TATDN1: variants seen among roughly 807,000 people sequenced by gnomAD.
The protein encoded by TATDN1 is TatD DNase domain containing 1.
In TATDN1, 40 loss-of-function variants were observed where a neutral mutation model predicts 46.4. That is an observed-to-expected ratio of 0.86 (90% CI 0.67 to 1.12). The LOEUF is 1.12. TATDN1 is among the 50% of genes most tolerant of loss of function. The pLI, the probability that TATDN1 is intolerant of heterozygous loss-of-function variation, is 0.00. For missense variants in TATDN1, 326 were observed against 348.4 expected (o/e 0.94, Z 0.51); for synonymous variants, 95 against 105.6 (o/e 0.90, Z 0.62).
intron 6 of TATDN1, 117 bp from the exon 7 acceptor site, chr8:124,508,805 C>T (rs532490251): frequency 1.5e-6 from 1 of 654,618 alleles, no homozygotes; most frequent in East Asian, 2.9e-5. Flanking sequence ...AATTACAGGA[C>T]AAAAATCATG....
chr8:124,503,183 A>C (rs999000386), intron 9 of TATDN1, among the ~76,000 whole-genome samples: 1 of 152,228 alleles, frequency 6.6e-6, no homozygotes, highest in Non-Finnish European at 1.5e-5. Context: ...AGTGATATGC[A>C]GAGAATGGAG....
chr8:124,512,489 G>A (rs1819111523), intron 6 of TATDN1, among the ~76,000 whole-genome samples: 1 of 152,200 alleles, frequency 6.6e-6, no homozygotes, highest in South Asian at 2.1e-4. Context: ...GTAGAAAAGT[G>A]CAGACCAAAA....
intron 1 of TATDN1, among the ~76,000 whole-genome samples, chr8:124,532,240 G>A (rs1821030468): frequency 1.3e-5 from 2 of 152,136 alleles, no homozygotes; most frequent in Non-Finnish European, 1.5e-5. Context: ...TAACGGCTAG[G>A]GCTCAATGAG....
intron 1 of TATDN1, among the ~76,000 whole-genome samples, chr8:124,532,287 T>C (rs1177226526): frequency 1.3e-5 from 2 of 152,096 alleles, no homozygotes; most frequent in Non-Finnish European, 2.9e-5. Context: ...ACAGTCTTTG[T>C]TTTTGTTTTT....
At chr8:124,497,214 C>T (rs1427593262) in intron 9 of TATDN1, among the ~76,000 whole-genome samples, 1 of 152,028 alleles carries the variant, frequency 6.6e-6, no homozygotes, top group Admixed American at 6.6e-5. Context: ...GTGCCCTAGT[C>T]TTGATTTTGC....
At chr8:124,531,893 G>T (rs1820992903) in intron 1 of TATDN1, among the ~76,000 whole-genome samples, 1 of 152,248 alleles carries the variant, frequency 6.6e-6, no homozygotes, top group Non-Finnish European at 1.5e-5. Context: ...TATGAAGGTT[G>T]TTTGTCTTTG....
chr8:124,534,634 T>C (rs1473540029), intron 1 of TATDN1, among the ~76,000 whole-genome samples: 1 of 151,992 alleles, frequency 6.6e-6, no homozygotes, highest in African/African-American at 2.4e-5. Context: ...ATGTGTGGGG[T>C]TTCCTCTCCC....
intron 1 of TATDN1, among the ~76,000 whole-genome samples, chr8:124,530,987 T>C (rs1261144971): frequency 1.3e-5 from 2 of 152,130 alleles, no homozygotes; most frequent in Non-Finnish European, 2.9e-5. Flanking sequence ...TCAATCTCTA[T>C]AACTTAGCAG....
intron 1 of TATDN1, among the ~76,000 whole-genome samples, chr8:124,524,338 T>C (rs1820300957): frequency 6.6e-6 from 1 of 152,198 alleles, no homozygotes; most frequent in Admixed American, 6.5e-5. Flanking sequence ...AAAAGGGCTA[T>C]TAACATATAA....
chr8:124,493,886 C>A lies in TATDN1; in HGVS notation c.738G>T (p.Lys246Asn). ...KYIRTAFPTKKKWESGHCLKD... is the reference protein window; with the variant it reads ...KYIRTAFPTKNKWESGHCLKD... ...TTAAGCAGTGCCCACTTTCCCACTTCTTTTTGGTAGGAAATGCAGTTCTTA... is the reference window on the plus strand; with the variant it reads ...TTAAGCAGTGCCCACTTTCCCACTTATTTTTGGTAGGAAATGCAGTTCTTA... Residue 246 changes from lysine (K) to asparagine (N), a missense_variant, in exon 11 of 12, where the codon AAG becomes AAT. Physicochemically the swap from Lys to Asn is moderately conservative, Grantham distance 94 (BLOSUM62 0). Coordinates refer to ENST00000276692, the MANE Select transcript of TATDN1 (RefSeq NM_032026.4). The A allele has an allele frequency of 1.2e-6, 2 of 1,611,950 alleles. No individual in the cohort carries two copies. Among genetic ancestry groups the A allele is most frequent in the South Asian group, 2.2e-5 (2 of 90,908 alleles).
In TATDN1 at chr8:124,489,678, T is replaced by A. The variant is rs1816779296; in HGVS notation, c.792-982A>T. On this transcript the variant is annotated intron_variant, in intron 11 of 11. Transcript: ENST00000276692. ...TCCACCCCACCTGGGCCTCCCAAAGTGCTGGGATTACAGGTGTGAGCCACC... is the reference window on the plus strand; with the variant it reads ...TCCACCCCACCTGGGCCTCCCAAAGAGCTGGGATTACAGGTGTGAGCCACC... 3.3e-5 allele frequency: 5 copies of A among 152,302 alleles called. No individual in the cohort carries two copies. In the South Asian group the frequency reaches 1.0e-3, roughly 32 times the overall value. 9.4% of individuals were successfully genotyped at this position (152,302 alleles called of 1,614,324 possible). A position where few individuals can be genotyped will look rare whatever the true frequency, so the allele number is the denominator to read the frequency against.
chr8:124,527,534 G>A (rs759963245), intron 1 of TATDN1, among the ~76,000 whole-genome samples: 8 of 152,064 alleles, frequency 5.3e-5, no homozygotes, highest in Non-Finnish European at 8.8e-5. Flanking sequence ...AAAAAGTCTG[G>A]TATCGGTTAG....
At chr8:124,516,305 ATTTT>A (rs913820200) in intron 4 of TATDN1, among the ~76,000 whole-genome samples, 1 of 144,244 alleles carries the variant, frequency 6.9e-6, no homozygotes, top group Non-Finnish European at 1.5e-5. Context: ...GCAAAGTGAA[ATTTT>A]TTTTTTTTTT....
chr8:124,532,221 C>T (rs533411318), intron 1 of TATDN1, among the ~76,000 whole-genome samples: 2 of 152,262 alleles, frequency 1.3e-5, no homozygotes, highest in South Asian at 2.1e-4. Context: ...AAATGTCCTT[C>T]GACTATGATA....
chr8:124,508,549 G>A (rs368827870), intron 7 of TATDN1, 35 bp from the exon 8 acceptor site: 5 of 1,609,040 alleles, frequency 3.1e-6, no homozygotes, highest in African/African-American at 1.3e-5. Flanking sequence ...TTAGCAAATA[G>A]CTTGATTTCT....
intron 9 of TATDN1, chr8:124,503,951 G>A: frequency 1.5e-6 from 2 of 1,307,398 alleles, no homozygotes; most frequent in African/African-American, 1.5e-5. Flanking sequence ...TATACATAAT[G>A]CTGTGAACAC....
intron 8 of TATDN1, 45 bp downstream of exon 8, chr8:124,508,429 T>A: frequency 1.2e-5 from 18 of 1,556,558 alleles, no homozygotes; most frequent in Non-Finnish European, 1.6e-5. Context: ...GATTTTTGGA[T>A]TAGAGATGTT....
At chr8:124,518,935 T>G (rs1256662351) in intron 3 of TATDN1, 54 bp from the exon 4 acceptor site, 19 of 1,196,012 alleles carry the variant, frequency 1.6e-5, no homozygotes, top group Admixed American at 1.1e-4. Flanking sequence ...GCAATAACAG[T>G]TTCCTAAACA....
At chr8:124,489,401 T>C (rs1275649750) in intron 11 of TATDN1, 1 of 113,574 alleles carries the variant, frequency 8.8e-6, no homozygotes, top group African/African-American at 3.4e-5. Flanking sequence ...TTTCTTTCCT[T>C]TCTTTTTTTT....
Sources: gnomAD v4.1 joint callset for allele counts (sites outside exome capture counted in the v4.1 genomes callset) on GRCh38, gnomAD v4.1.1 for gene constraint, MANE v1.5 for transcripts, NCBI Gene and HGNC (gene_info 2026-07-23, HGNC 2026-07-21) for gene names.